CACNA1C: variants seen among roughly 807,000 people sequenced by gnomAD.
CACNA1C encodes the protein calcium voltage-gated channel subunit alpha1 C.
CACNA1C carries 30 observed loss-of-function variants against 229.0 expected under a neutral mutation model. That is an observed-to-expected ratio of 0.13 (90% CI 0.10 to 0.18). The LOEUF (loss-of-function observed/expected upper bound fraction) is 0.18. Ranked by LOEUF, CACNA1C falls within the 10% of genes least tolerant of loss-of-function variation. The probability of loss-of-function intolerance (pLI) is 1.00; values close to 1 mark genes in which losing one functional copy is unlikely to be tolerated. For synonymous variants in CACNA1C, 1,114 were observed against 1,132.5 expected, an observed-to-expected ratio of 0.98 and a Z score of 0.33; for missense variants, 1,658 against 2,845.0, an observed-to-expected ratio of 0.58 and a Z score of 9.49.
At position 2,319,099 on chromosome 12, in the gene CACNA1C, C is replaced by T. The variant is rs1166313299; in HGVS notation, c.478-129877C>T. Among the ~76,000 whole-genome samples, 5 of 151,992 alleles carry T rather than the reference C, an allele frequency of 3.3e-5. No individual in the cohort carries two copies. Among genetic ancestry groups the T allele is most frequent in the African/African-American group, 1.2e-4 (5 of 41,352 alleles). On this transcript the variant is annotated intron_variant, in intron 3 of 46. Coordinates refer to ENST00000399655, the MANE Select transcript of CACNA1C (RefSeq NM_000719.7). The surrounding 1 kb of genome is among the most constrained non-coding windows in gnomAD (Gnocchi z 4.0). ...CTCTCACCCCAGCTGTTTCCTGGGG[C>T]TGTGAAGTTCATCGGCTCCTTTTCC...
intron 1 of CACNA1C, among the ~76,000 whole-genome samples, chr12:2,032,191 G>T (rs1176417486): frequency 6.6e-6 from 1 of 152,002 alleles, no homozygotes; most frequent in Non-Finnish European, 1.5e-5. Flanking sequence ...AGTTCCTGTG[G>T]TCCCAAACAC....
chr12:2,041,698 T>C (rs2050142802), intron 1 of CACNA1C, among the ~76,000 whole-genome samples: 1 of 152,216 alleles, frequency 6.6e-6, no homozygotes, highest in Non-Finnish European at 1.5e-5. Context: ...CAAGATCATG[T>C]TGGGGATAGA....
intron 3 of CACNA1C, among the ~76,000 whole-genome samples, chr12:2,225,203 A>C (rs2062610795): frequency 2.6e-5 from 4 of 152,188 alleles, no homozygotes. Context: ...CAGCTGCTGC[A>C]TCATTAAAAA....
chr12:2,163,315 A>G (rs1783417758), intron 3 of CACNA1C, among the ~76,000 whole-genome samples: 1 of 152,050 alleles, frequency 6.6e-6, no homozygotes, highest in Non-Finnish European at 1.5e-5. Flanking sequence ...CGTAGGCAGT[A>G]TTCGTATTCT....
At chr12:2,155,056 G>T (rs908571669) in intron 3 of CACNA1C, among the ~76,000 whole-genome samples, 4 of 152,152 alleles carry the variant, frequency 2.6e-5, no homozygotes, top group African/African-American at 9.7e-5. Context: ...GTGAATCCTG[G>T]CATTGTGGGA....
At chr12:2,274,797 G>A (rs1249520196) in intron 3 of CACNA1C, among the ~76,000 whole-genome samples, 3 of 152,202 alleles carry the variant, frequency 2.0e-5, no homozygotes, top group Non-Finnish European at 2.9e-5. Context: ...TCTAGAGCGG[G>A]GACTGATGGG....
At position 2,646,906 on chromosome 12, in the gene CACNA1C, G is replaced by A. The variant is rs1398129279; in HGVS notation, c.3913-1569G>A. On this transcript the variant is annotated intron_variant, in intron 30 of 46. Coordinates refer to ENST00000399655, the MANE Select transcript of CACNA1C (RefSeq NM_000719.7). This position sits in a 1 kb window ranked among gnomAD's most constrained non-coding sequence, Gnocchi z 4.6. ...AATCACAAGGACTGACCTGGCAGGT[G>A]GAATCTTCATGAAGCAGAAGCTGAG... Among the ~76,000 whole-genome samples the A allele has an allele frequency of 1.3e-5, 2 of 152,048 alleles. No homozygotes were observed. Among genetic ancestry groups the A allele is most frequent in the Non-Finnish European group, 1.5e-5 (1 of 68,004 alleles).
At chr12:2,439,187 G>C (rs1350764547) in intron 3 of CACNA1C, among the ~76,000 whole-genome samples, 2 of 152,202 alleles carry the variant, frequency 1.3e-5, no homozygotes, top group Admixed American at 1.3e-4. Context: ...GAGGTCAGTG[G>C]AGAAGGGGCT....
chr12:2,111,648 A>G (rs1218543557), intron 1 of CACNA1C, among the ~76,000 whole-genome samples: 1 of 152,142 alleles, frequency 6.6e-6, no homozygotes, highest in Non-Finnish European at 1.5e-5. Context: ...GGCAGCTTTT[A>G]TGTATCTGAG....
intron 1 of CACNA1C, among the ~76,000 whole-genome samples, chr12:2,114,911 G>A (rs1036246415): frequency 6.6e-6 from 1 of 152,174 alleles, no homozygotes; most frequent in African/African-American, 2.4e-5. Flanking sequence ...GTAATGTGTT[G>A]TGTTGTATCT....
intron 3 of CACNA1C, among the ~76,000 whole-genome samples, chr12:2,227,790 A>C (rs1264977581): frequency 6.6e-6 from 1 of 152,320 alleles, no homozygotes; most frequent in East Asian, 1.9e-4. Flanking sequence ...TGCAATCTAA[A>C]CTAATAGGTT....
intron 3 of CACNA1C, among the ~76,000 whole-genome samples, chr12:2,234,393 C>T (rs966910768): frequency 6.6e-6 from 1 of 152,206 alleles, no homozygotes; most frequent in Non-Finnish European, 1.5e-5. Flanking sequence ...AGTTGATTGC[C>T]AGGCACTCTG....
At chr12:2,100,619 C>T (rs187696838) in intron 1 of CACNA1C, among the ~76,000 whole-genome samples, 4 of 143,592 alleles carry the variant, frequency 2.8e-5, no homozygotes, top group African/African-American at 1.0e-4. Flanking sequence ...TAGCTGGGCA[C>T]GGTGACTCAT....
chr12:2,686,538 G>A (rs759033847), intron 45 of CACNA1C, among the ~76,000 whole-genome samples: 4 of 152,236 alleles, frequency 2.6e-5, no homozygotes, highest in Non-Finnish European at 5.9e-5. Context: ...ACAGCTGCAG[G>A]TTCCACCTGA....
chr12:2,595,059 C>G lies in CACNA1C; in HGVS notation c.2664-815C>G, dbSNP rs183195638. Among the ~76,000 whole-genome samples, 1 of 152,332 alleles carries G rather than the reference C, an allele frequency of 6.6e-6. No homozygotes were observed. The highest frequency in any genetic ancestry group is 1.9e-4 in the East Asian group (1 of 5,184). On this transcript the variant is annotated intron_variant, in intron 19 of 46. Transcript: ENST00000399655. This position sits in a 1 kb window ranked among gnomAD's most constrained non-coding sequence, Gnocchi z 4.1. ...GATGATTCTTACAGCCATCTCCTAA[C>G]TCTTATAAACCAGAATTGTCTGAGA...
At chr12:2,448,910 T>C in intron 3 of CACNA1C, 66 bp from the exon 4 acceptor site, 1 of 1,375,892 alleles carries the variant, frequency 7.3e-7, no homozygotes, top group Admixed American at 1.9e-5. Flanking sequence ...GATCTACTGG[T>C]TCCAAACTTT....
chr12:2,662,640 A>G (rs12312322), intron 34 of CACNA1C, among the ~76,000 whole-genome samples: 112,333 of 152,134 alleles, frequency 0.74, 42,132 homozygotes, highest in Admixed American at 0.82. Flanking sequence ...CTGATTCTAC[A>G]GTGTCTATGG....
chr12:2,566,557 G>A lies in CACNA1C; in HGVS notation c.1644G>A (p.Gln548=). The stretch of plus-strand genomic sequence containing the variant: ...CCATTGCCTCTGAGCACTACAACCA[G>A]CCCAACTGGCTCACAGAAGTCCAAG... ...TLTIASEHYN[Q]PNWLTEVQDT... The change falls in exon 12 of 47, where the codon CAG becomes CAA. Residue 548 remains glutamine, a synonymous_variant. Transcript: ENST00000399655. The surrounding 1 kb of genome is among the most constrained non-coding windows in gnomAD (Gnocchi z 4.0). The A allele has an allele frequency of 1.3e-6, 2 of 1,598,884 alleles. No homozygotes were observed. The highest frequency in any genetic ancestry group is 2.3e-5 in the South Asian group (2 of 87,764).
intron 3 of CACNA1C, among the ~76,000 whole-genome samples, chr12:2,241,398 C>T (rs2070134706): frequency 6.6e-6 from 1 of 152,084 alleles, no homozygotes; most frequent in Non-Finnish European, 1.5e-5. Flanking sequence ...ATCTTTTTAT[C>T]ATGCCATGTT....
Sources: gnomAD v4.1 joint callset for allele counts (sites outside exome capture counted in the v4.1 genomes callset) on GRCh38, gnomAD v4.1.1 for gene constraint, Gnocchi (gnomAD v3.1) non-coding constraint, MANE v1.5 for transcripts, NCBI Gene and HGNC (gene_info 2026-07-23, HGNC 2026-07-21) for gene names.